Variants in HPGDS observed in about 807,000 individuals in gnomAD.
The protein encoded by HPGDS is GST class-sigma.
In HPGDS, 26 loss-of-function variants were observed where a neutral mutation model predicts 23.1. The ratio of observed to expected loss-of-function variants is 1.13; its 90% CI spans 0.83 to 1.56. The LOEUF (loss-of-function observed/expected upper bound fraction) is 1.56, where lower values mean the gene tolerates loss of function less well. HPGDS is among the 40% of genes most tolerant of loss of function. The pLI is 0.00. For missense variants in HPGDS, 268 were observed against 236.4 expected, an observed-to-expected ratio of 1.13 and a Z score of -0.88; for synonymous variants, 95 against 77.9, an observed-to-expected ratio of 1.22 and a Z score of -1.16.
At chr4:94,339,988 C>T (rs1268248973) in intron 1 of HPGDS, among the ~76,000 whole-genome samples, 1 of 152,154 alleles carries the variant, frequency 6.6e-6, no homozygotes, top group Non-Finnish European at 1.5e-5. Context: ...GTCTCCCCAG[C>T]CATGTGGAAC....
intron 2 of HPGDS, among the ~76,000 whole-genome samples, chr4:94,331,282 A>T (rs1233155982): frequency 6.6e-6 from 1 of 152,162 alleles, no homozygotes; most frequent in Admixed American, 6.5e-5. Context: ...TTCTTGTTTC[A>T]TGGATAGAAT....
chr4:94,337,896 CTA>C (rs1368197893), intron 1 of HPGDS, among the ~76,000 whole-genome samples: 8 of 152,192 alleles, frequency 5.3e-5, no homozygotes, highest in African/African-American at 1.9e-4. Context: ...TGGTAGCTAT[CTA>C]TATTTCTCTG....
chr4:94,315,715 A>G (rs536001928), intron 3 of HPGDS, among the ~76,000 whole-genome samples: 1 of 152,334 alleles, frequency 6.6e-6, no homozygotes, highest in South Asian at 2.1e-4. Flanking sequence ...AATCGAAAGA[A>G]AATTCTTGAA....
chr4:94,337,654 G>A (rs1721050135), intron 1 of HPGDS, among the ~76,000 whole-genome samples: 1 of 152,088 alleles, frequency 6.6e-6, no homozygotes, highest in South Asian at 2.1e-4. Flanking sequence ...CAGCCTGGGG[G>A]ACAGGGCAAG....
At chr4:94,335,083 G>C (rs1032265027) in intron 1 of HPGDS, among the ~76,000 whole-genome samples, 3 of 152,202 alleles carry the variant, frequency 2.0e-5, no homozygotes, top group African/African-American at 7.2e-5. Flanking sequence ...GGACAGCCAA[G>C]GGCTGGGCAC....
intron 4 of HPGDS, 124 bp downstream of exon 4, chr4:94,308,510 T>C (rs1756183077): frequency 3.9e-6 from 2 of 514,440 alleles, no homozygotes; most frequent in Non-Finnish European, 6.9e-6. Flanking sequence ...ACTTTTAAAA[T>C]ATAATTTGGT....
Position 94,328,115 on chromosome 4 carries a change from A to G in HPGDS, c.133+6382T>C, listed in dbSNP as rs943445457. ...GGAGTCTGCGGAGTAAATGTGGACC[A>G]CTGGGGATATCTCTCTTACCTTTTC... is the stretch of plus-strand genomic sequence containing the variant. On this transcript the variant is annotated intron_variant, in intron 2 of 5. Coordinates refer to ENST00000295256, the MANE Select transcript of HPGDS (RefSeq NM_014485.3). 2.0e-4 allele frequency among the ~76,000 whole-genome samples: 31 copies of G among 152,240 alleles called. 1 individual carries two copies. The highest frequency in any genetic ancestry group is 2.0e-3 in the Admixed American group (31 of 15,292).
rs573391286 is a variant in HPGDS, at chr4:94,307,721, C to T, written c.336+913G>A. On this transcript the variant is annotated intron_variant, in intron 4 of 5. Transcript: ENST00000295256. ...ACACTACGTTGACCTTGTGGAAAAT[C>T]GTATTGGCAGGCTATTGGATACTGT... 1.2e-4 allele frequency among the ~76,000 whole-genome samples: 18 copies of T among 152,070 alleles called. No homozygotes were observed. In the East Asian group the frequency reaches 3.5e-3, roughly 29 times the overall value.
intron 4 of HPGDS, among the ~76,000 whole-genome samples, chr4:94,304,623 A>C (rs1170081217): frequency 6.6e-6 from 1 of 152,024 alleles, no homozygotes; most frequent in Non-Finnish European, 1.5e-5. Context: ...AGAACAGTGC[A>C]TTTTTCATTA....
At chr4:94,323,862 T>C (rs545163330) in intron 2 of HPGDS, among the ~76,000 whole-genome samples, 22 of 152,356 alleles carry the variant, frequency 1.4e-4, no homozygotes, top group African/African-American at 5.0e-4. Flanking sequence ...GCATTGATGG[T>C]CTTTACAATT....
At chr4:94,315,798 C>T (rs1579435766) in intron 3 of HPGDS, among the ~76,000 whole-genome samples, 1 of 152,252 alleles carries the variant, frequency 6.6e-6, no homozygotes, top group South Asian at 2.1e-4. Flanking sequence ...GTCTTTCTGA[C>T]CTTGAATAGT....
Position 94,299,214 on chromosome 4 carries a change from G to C in HPGDS, c.*266C>G, listed in dbSNP as rs1329815759. On this transcript the variant is annotated 3_prime_UTR_variant, in exon 6 of 6. Coordinates refer to ENST00000295256, the MANE Select transcript of HPGDS (RefSeq NM_014485.3). ...ACCATTATGACTGCAATTCGTGCAT[G>C]TTAGAACCTGTGCAAAGCAAGGTCT... The C allele has an allele frequency of 6.4e-6, 2 of 313,578 alleles. No homozygotes were observed. Among genetic ancestry groups the C allele is most frequent in the African/African-American group, 4.2e-5 (2 of 47,282 alleles). 19.4% of individuals were successfully genotyped at this position (313,578 alleles called of 1,614,324 possible). A position where few individuals can be genotyped will look rare whatever the true frequency, so the allele number is the denominator to read the frequency against.
Position 94,298,843 on chromosome 4 carries a change from G to A in HPGDS, c.*637C>T, listed in dbSNP as rs553926326. ...TATATTCAGTTTGAATTTCATTCCA[G>A]GATTATCAGTTTTTGTTCCTTTGCT... is the stretch of plus-strand genomic sequence containing the variant. On this transcript the variant is annotated 3_prime_UTR_variant, in exon 6 of 6. Coordinates refer to ENST00000295256, the MANE Select transcript of HPGDS (RefSeq NM_014485.3). 2.0e-5 allele frequency: 3 copies of A among 152,152 alleles called. No homozygotes were observed. The highest frequency in any genetic ancestry group is 4.4e-5 in the Non-Finnish European group (3 of 68,034). 9.4% of individuals were successfully genotyped at this position (152,152 alleles called of 1,614,324 possible). A position where few individuals can be genotyped will look rare whatever the true frequency, so the allele number is the denominator to read the frequency against.
At chr4:94,307,067 G>A (rs943023094) in intron 4 of HPGDS, among the ~76,000 whole-genome samples, 33 of 152,088 alleles carry the variant, frequency 2.2e-4, no homozygotes, top group African/African-American at 8.0e-4. Flanking sequence ...CATACAAAAG[G>A]TCAGTAATTA....
At chr4:94,339,842 A>G (rs1721101841) in intron 1 of HPGDS, among the ~76,000 whole-genome samples, 1 of 152,160 alleles carries the variant, frequency 6.6e-6, no homozygotes, top group South Asian at 2.1e-4. Flanking sequence ...GGTTTCCCCC[A>G]TACTGACTTC....
chr4:94,318,886 T>C (rs1371360663), intron 2 of HPGDS, among the ~76,000 whole-genome samples: 1 of 152,168 alleles, frequency 6.6e-6, no homozygotes, highest in Non-Finnish European at 1.5e-5. Context: ...ATAAGTTTTG[T>C]ATTTTTAGTA....
chr4:94,336,471 A>G (rs1721014617), intron 1 of HPGDS, among the ~76,000 whole-genome samples: 1 of 152,150 alleles, frequency 6.6e-6, no homozygotes, highest in African/African-American at 2.4e-5. Context: ...GCTCCTTGCT[A>G]AAACGAGAGA....
At chr4:94,308,085 G>A (rs1756172824) in intron 4 of HPGDS, among the ~76,000 whole-genome samples, 1 of 152,074 alleles carries the variant, frequency 6.6e-6, no homozygotes, top group Non-Finnish European at 1.5e-5. Context: ...TATAGGGGAT[G>A]GGGCCTAAAT....
chr4:94,339,234 G>A (rs2126047181), intron 1 of HPGDS, among the ~76,000 whole-genome samples: 2 of 152,290 alleles, frequency 1.3e-5, no homozygotes, highest in East Asian at 1.9e-4. Context: ...CTTATTTCCT[G>A]TTAGCTTCAT....
Sources: allele counts gnomAD v4.1 joint callset (sites outside exome capture counted in the v4.1 genomes callset), GRCh38; gene constraint gnomAD v4.1.1; transcripts MANE v1.5; gene names NCBI Gene and HGNC (gene_info 2026-07-23, HGNC 2026-07-21).